SPICE1: variants seen among roughly 807,000 people sequenced by gnomAD.
SPICE1 encodes the protein spindle and centriole-associated protein 1.
A neutral mutation model predicts 102.7 loss-of-function variants in SPICE1; 75 were observed. The observed-to-expected ratio is 0.73, with a 90% CI of 0.61 to 0.88. The LOEUF (loss-of-function observed/expected upper bound fraction) is 0.88. Ranked by LOEUF, SPICE1 falls within the 40% of genes least tolerant of loss-of-function variation. The pLI is 0.00. For synonymous variants in SPICE1, 308 were observed against 350.3 expected (o/e 0.88, Z 1.35); for missense variants, 979 against 1,020.1 (o/e 0.96, Z 0.55).
chr3:113,477,759 G>T (rs1215351098), intron 7 of SPICE1, among the ~76,000 whole-genome samples: 1 of 147,346 alleles, frequency 6.8e-6, no homozygotes, highest in Non-Finnish European at 1.5e-5. Context: ...ACACAGGAAG[G>T]GGAACATCAC....
At chr3:113,506,263 C>G (rs994223651) in intron 2 of SPICE1, among the ~76,000 whole-genome samples, 4 of 152,150 alleles carry the variant, frequency 2.6e-5, no homozygotes, top group African/African-American at 4.8e-5. Context: ...CTCCCCATCC[C>G]CTTAGGATTC....
Position 113,469,177 on chromosome 3 carries a change from G to A in SPICE1, c.673C>T (p.Gln225Ter). The A allele has an allele frequency of 6.2e-7, 1 of 1,613,042 alleles. No homozygotes were observed. Among genetic ancestry groups the A allele is most frequent in the Non-Finnish European group, 8.5e-7 (1 of 1,179,496 alleles). Residue 225 changes from glutamine (Q) to a stop codon, truncating the protein, a stop_gained, in exon 8 of 18, where the codon CAG (glutamine) becomes TAG (stop). Coordinates refer to ENST00000295872, the MANE Select transcript of SPICE1 (RefSeq NM_144718.4). LOFTEE classifies it high-confidence loss of function. ...ELISKLWTDI[Q>*]QKIATQSQIT... ...TGTGACTGGGTTGCTATTTTCTGCT[G>A]AATGTCAGTCCACAACTTACTAATT...
chr3:113,506,531 T>G lies in SPICE1; in HGVS notation c.75A>C (p.Lys25Asn). Residue 25 changes from lysine to asparagine, a missense_variant, in exon 2 of 18, where the codon AAA becomes AAC. Transcript: ENST00000295872. Reference protein sequence around the residue: ...VRKTPKVKKKKTSVKQEWDNT... With the variant: ...VRKTPKVKKKNTSVKQEWDNT... ...CATCCCATTCTTGTTTCACTGAAGTTTTCTTCTTCTTTACTTTCGGTGTCT... is the reference window on the plus strand; with the variant it reads ...CATCCCATTCTTGTTTCACTGAAGTGTTCTTCTTCTTTACTTTCGGTGTCT... 6.2e-7 allele frequency: 1 copy of G among 1,613,520 alleles called. No homozygotes were observed. Among genetic ancestry groups the G allele is most frequent in the Non-Finnish European group, 8.5e-7 (1 of 1,179,754 alleles).
chr3:113,480,912 T>G (rs912593793), intron 7 of SPICE1, among the ~76,000 whole-genome samples: 199 of 106,500 alleles, frequency 1.9e-3, no homozygotes, highest in African/African-American at 7.2e-3. Flanking sequence ...TTTAAAAATT[T>G]AAAGAAAGAA....
At chr3:113,454,032 G>A in intron 13 of SPICE1, 82 bp from the exon 14 acceptor site, 1 of 1,290,018 alleles carries the variant, frequency 7.8e-7, no homozygotes. Context: ...AGCCCACCAT[G>A]GTAGTTAGAA....
At chr3:113,500,122 A>C (rs1173757432) in intron 3 of SPICE1, among the ~76,000 whole-genome samples, 1 of 152,200 alleles carries the variant, frequency 6.6e-6, no homozygotes, top group African/African-American at 2.4e-5. Context: ...CTGAAAATAC[A>C]GAAGTCAGGG....
At chr3:113,501,271 A>C (rs924282882) in intron 3 of SPICE1, among the ~76,000 whole-genome samples, 4 of 152,216 alleles carry the variant, frequency 2.6e-5, no homozygotes, top group African/African-American at 9.6e-5. Context: ...ACTTAAAATG[A>C]ATCATAGTTC....
chr3:113,446,582 C>T lies in SPICE1; in HGVS notation c.2514+7G>A, dbSNP rs370502460. 7.7e-5 allele frequency: 124 copies of T among 1,609,174 alleles called. 1 individual carries two copies. Among genetic ancestry groups the T allele is most frequent in the Non-Finnish European group, 8.2e-5 (97 of 1,176,306 alleles). On this transcript the variant is annotated splice_region_variant and intron_variant, in intron 17 of 17. Coordinates refer to ENST00000295872, the MANE Select transcript of SPICE1 (RefSeq NM_144718.4). ...TATGCATTTCACAATTACATTTTAACGTGTACCTTTGCTCTTGGATTAAGA... is the reference window on the plus strand; with the variant it reads ...TATGCATTTCACAATTACATTTTAATGTGTACCTTTGCTCTTGGATTAAGA...
chr3:113,506,731 T>C, intron 1 of SPICE1, 126 bp from the exon 2 acceptor site: 1 of 664,472 alleles, frequency 1.5e-6, no homozygotes, highest in Non-Finnish European at 2.6e-6. Flanking sequence ...TTAAGCATGA[T>C]GAAAGGAACA....
At position 113,456,075 on chromosome 3, in the gene SPICE1, C is replaced by T. The variant is rs116438502; in HGVS notation, c.1657+1061G>A. Among the ~76,000 whole-genome samples the T allele has an allele frequency of 8.9e-3, 1,354 of 152,318 alleles. 24 individuals are homozygous for T. Among genetic ancestry groups the T allele is most frequent in the African/African-American group, 0.031 (1,291 of 41,566 alleles). ...CAATAAACGGGCCAAGATACCAGCA[C>T]GTCTGACTCTCAGCCTGGCACTGTC... On this transcript the variant is annotated intron_variant, in intron 13 of 17. Coordinates refer to ENST00000295872, the MANE Select transcript of SPICE1 (RefSeq NM_144718.4).
chr3:113,512,690 A>G (rs1937245558), intron 1 of SPICE1, among the ~76,000 whole-genome samples: 1 of 152,150 alleles, frequency 6.6e-6, no homozygotes, highest in African/African-American at 2.4e-5. Flanking sequence ...TACAGGCGTG[A>G]GCCACCACAC....
intron 10 of SPICE1, among the ~76,000 whole-genome samples, chr3:113,467,492 A>T (rs2107462621): frequency 6.6e-6 from 1 of 152,292 alleles, no homozygotes; most frequent in Non-Finnish European, 1.5e-5. Flanking sequence ...AGGTTTTACC[A>T]CGTTGAGGCC....
intron 17 of SPICE1, among the ~76,000 whole-genome samples, chr3:113,446,131 G>A (rs1226750880): frequency 6.6e-6 from 1 of 152,072 alleles, no homozygotes; most frequent in Non-Finnish European, 1.5e-5. Context: ...TTTTTCCCTG[G>A]TACCATAACC....
intron 8 of SPICE1, 88 bp downstream of exon 8, chr3:113,469,011 C>G (rs750384901): frequency 1.9e-6 from 3 of 1,560,598 alleles, no homozygotes; most frequent in Non-Finnish European, 2.6e-6. Flanking sequence ...GCAGTCAAAA[C>G]TCAAATAACA....
chr3:113,456,685 G>C (rs1935786328), intron 13 of SPICE1, among the ~76,000 whole-genome samples: 2 of 152,156 alleles, frequency 1.3e-5, no homozygotes, highest in South Asian at 4.1e-4. Context: ...AACTAACTGA[G>C]CTGAAAACTT....
Position 113,507,750 on chromosome 3 carries a change from G to A in SPICE1, c.1-1145C>T, listed in dbSNP as rs527324401. Among the ~76,000 whole-genome samples the A allele has an allele frequency of 6.6e-5, 10 of 152,238 alleles. No homozygotes were observed. The South Asian group carries it at 1.2e-3, about 19-fold the overall frequency. ...ATGATGGCATCAGCTAACAGATACC[G>A]TGTGCTTACTATAAGCCAGATGCTA... is the stretch of plus-strand genomic sequence containing the variant. On this transcript the variant is annotated intron_variant, in intron 1 of 17. Transcript: ENST00000295872.
intron 11 of SPICE1, among the ~76,000 whole-genome samples, chr3:113,465,140 T>G (rs1234580295): frequency 6.7e-6 from 1 of 150,290 alleles, no homozygotes; most frequent in Non-Finnish European, 1.5e-5. Flanking sequence ...GAATGCTCAA[T>G]GCAGCATGGA....
chr3:113,464,481 C>T (rs1936006198), intron 11 of SPICE1, among the ~76,000 whole-genome samples: 1 of 152,052 alleles, frequency 6.6e-6, no homozygotes, highest in Non-Finnish European at 1.5e-5. Flanking sequence ...ATCTCAAACT[C>T]CTGGCCTCAA....
intron 17 of SPICE1, among the ~76,000 whole-genome samples, chr3:113,446,110 T>G (rs1935506331): frequency 1.3e-5 from 2 of 152,164 alleles, no homozygotes; most frequent in Admixed American, 1.3e-4. Context: ...AAGAACACAT[T>G]AAGACATTTA....
Sources: allele counts gnomAD v4.1 joint callset (sites outside exome capture counted in the v4.1 genomes callset), GRCh38; gene constraint gnomAD v4.1.1; transcripts MANE v1.5; gene names NCBI Gene and HGNC (gene_info 2026-07-23, HGNC 2026-07-21).